Variants in P3H2 observed in about 807,000 individuals in gnomAD.
The protein encoded by P3H2 is prolyl 3-hydroxylase 2.
P3H2 carries 80 observed loss-of-function variants against 87.0 expected under a neutral mutation model. The ratio of observed to expected loss-of-function variants is 0.92; its 90% CI spans 0.77 to 1.11. The LOEUF is 1.11. Ranked by LOEUF, P3H2 falls within the 50% of genes least tolerant of loss-of-function variation. The pLI is 0.00. For missense variants in P3H2, 1,001 were observed against 923.9 expected, an observed-to-expected ratio of 1.08 and a Z score of -1.08; for synonymous variants, 367 against 359.3, an observed-to-expected ratio of 1.02 and a Z score of -0.24.
intron 1 of P3H2, among the ~76,000 whole-genome samples, chr3:190,024,697 CTG>C (rs1397162203): frequency 6.6e-6 from 1 of 152,046 alleles, no homozygotes; most frequent in African/African-American, 2.4e-5. Flanking sequence ...GTTGTTATAT[CTG>C]CAATGATGTG....
intron 1 of P3H2, among the ~76,000 whole-genome samples, chr3:190,004,575 G>T (rs1210025445): frequency 1.3e-5 from 2 of 151,872 alleles, no homozygotes; most frequent in East Asian, 3.9e-4. Context: ...GTAGAGACGG[G>T]GTTTCACCGT....
At chr3:190,067,754 A>G (rs1050195801) in intron 1 of P3H2, among the ~76,000 whole-genome samples, 1 of 152,132 alleles carries the variant, frequency 6.6e-6, no homozygotes, top group Non-Finnish European at 1.5e-5. Flanking sequence ...CTGGGGGGGA[A>G]TATTTTCTTT....
rs1427871621 is a variant in P3H2, at chr3:190,120,278, T to TGTAG, written c.450_453dup (p.Asn152LeufsTer12). 2 of 1,611,252 alleles carry TGTAG rather than the reference T, an allele frequency of 1.2e-6. No homozygotes were observed. The highest frequency in any genetic ancestry group is 3.3e-5 in the Admixed American group (2 of 59,810). On this transcript the variant is annotated frameshift_variant, in exon 1 of 15. Coordinates refer to ENST00000319332, the MANE Select transcript of P3H2 (RefSeq NM_018192.4). LOFTEE classifies it high-confidence loss of function. Reference sequence around the variant, plus strand: ...TTGATGTAGGCCCGCTGCAGGTAGTTGTAGGGCACTCTGCGCTGGAAGTCG... The same window carrying TGTAG: ...TTGATGTAGGCCCGCTGCAGGTAGTTGTAGGTAGGGCACTCTGCGCTGGAAGTCG...
intron 1 of P3H2, among the ~76,000 whole-genome samples, chr3:190,009,564 T>A (rs1226187398): frequency 2.0e-5 from 3 of 152,198 alleles, no homozygotes; most frequent in African/African-American, 4.8e-5. Flanking sequence ...ACTTCCACAT[T>A]TCACATTTCT....
chr3:190,010,237 A>T (rs989578332), intron 1 of P3H2, among the ~76,000 whole-genome samples: 1 of 152,220 alleles, frequency 6.6e-6, no homozygotes, highest in African/African-American at 2.4e-5. Context: ...GCAAATAAGA[A>T]GAATGAAGTT....
At chr3:190,009,606 T>C (rs2108933541) in intron 1 of P3H2, among the ~76,000 whole-genome samples, 1 of 152,294 alleles carries the variant, frequency 6.6e-6, no homozygotes, top group Non-Finnish European at 1.5e-5. Context: ...TTTAAAACGT[T>C]TCATATTTTG....
At chr3:189,996,957 A>G (rs1724069211) in intron 1 of P3H2, among the ~76,000 whole-genome samples, 1 of 152,220 alleles carries the variant, frequency 6.6e-6, no homozygotes, top group South Asian at 2.1e-4. Context: ...ACTTAATACA[A>G]TGATCTCCAT....
At chr3:190,036,079 T>C (rs1316336605) in intron 1 of P3H2, among the ~76,000 whole-genome samples, 1 of 152,210 alleles carries the variant, frequency 6.6e-6, no homozygotes, top group Non-Finnish European at 1.5e-5. Context: ...TTTTGCCATA[T>C]TCAGAATGAA....
intron 1 of P3H2, among the ~76,000 whole-genome samples, chr3:190,107,102 G>A (rs966590195): frequency 1.3e-5 from 2 of 152,112 alleles, no homozygotes; most frequent in African/African-American, 2.4e-5. Context: ...AAAACAAAAT[G>A]TATCAAGAAG....
At position 189,995,365 on chromosome 3, in the gene P3H2, C is replaced by T. The variant is rs1262305402; in HGVS notation, c.558G>A (p.Gln186=). ...CTGTCGCCCTGTAATTCTCAATGTT[C>T]TGCTGCATTTCCATGTGCTCAGGGT... ...VANPEHMEMQ[Q]NIENYRATAG... is the part of the protein sequence containing the mutation. Residue 186 remains glutamine (Q), a synonymous_variant, in exon 2 of 15, where the codon CAG becomes CAA. Coordinates refer to ENST00000319332, the MANE Select transcript of P3H2 (RefSeq NM_018192.4). 1.2e-6 allele frequency: 2 copies of T among 1,613,956 alleles called. No individual in the cohort carries two copies. The highest frequency in any genetic ancestry group is 2.7e-5 in the African/African-American group (2 of 74,878).
intron 1 of P3H2, among the ~76,000 whole-genome samples, chr3:190,077,889 G>A (rs1484896428): frequency 6.7e-6 from 1 of 149,068 alleles, no homozygotes; most frequent in Non-Finnish European, 1.5e-5. Context: ...TTGTACCAGA[G>A]CCTTCCTGGG....
chr3:190,118,331 C>T lies in P3H2; in HGVS notation c.480+1921G>A, dbSNP rs113833060. ...TGTGACAGAATTAACAGCAGGACTG[C>T]TAACCTTACATCCGAGACTCCTGGG... is the stretch of plus-strand genomic sequence containing the variant. On this transcript the variant is annotated intron_variant, in intron 1 of 14. Coordinates refer to ENST00000319332, the MANE Select transcript of P3H2 (RefSeq NM_018192.4). Among the ~76,000 whole-genome samples, 124 of 152,058 alleles carry T rather than the reference C, an allele frequency of 8.2e-4. 3 individuals carry two copies. The highest frequency in any genetic ancestry group is 2.9e-3 in the African/African-American group (120 of 41,476).
intron 1 of P3H2, among the ~76,000 whole-genome samples, chr3:190,012,209 T>G (rs1488875867): frequency 7.9e-5 from 1 of 12,698 alleles, no homozygotes; most frequent in African/African-American, 2.0e-4. Context: ...TAGGTAAAGG[T>G]GTGTGTGTGT....
rs1251972315 is a variant in P3H2, at chr3:190,059,618, C to T, written c.480+60634G>A. ...TTCCTCCAACGCCAGCATCACTCAC[C>T]TTCACTGCCTCTGCCACCCACCCCT... is the stretch of plus-strand genomic sequence containing the variant. On this transcript the variant is annotated intron_variant, in intron 1 of 14. Coordinates refer to ENST00000319332, the MANE Select transcript of P3H2 (RefSeq NM_018192.4). Among the ~76,000 whole-genome samples the T allele has an allele frequency of 2.6e-5, 4 of 152,146 alleles. No individual in the cohort carries two copies. In the East Asian group the frequency reaches 7.7e-4, roughly 29 times the overall value.
chr3:190,021,391 T>G (rs1489256512), intron 1 of P3H2, among the ~76,000 whole-genome samples: 1 of 135,154 alleles, frequency 7.4e-6, no homozygotes, highest in African/African-American at 2.6e-5. Flanking sequence ...TATTAAACTA[T>G]TTCAGTTTGT....
intron 14 of P3H2, among the ~76,000 whole-genome samples, chr3:189,962,341 AT>A (rs1722845057): frequency 6.6e-6 from 1 of 151,368 alleles, no homozygotes; most frequent in South Asian, 2.1e-4. Context: ...CGCCAGGCTA[AT>A]TTTTGTATTT....
chr3:189,990,910 C>G (rs1168559518), intron 3 of P3H2, among the ~76,000 whole-genome samples: 1 of 152,150 alleles, frequency 6.6e-6, no homozygotes, highest in African/African-American at 2.4e-5. Flanking sequence ...TGACCTTGAG[C>G]AAATCACTAA....
chr3:189,986,376 G>A (rs1268565721), intron 6 of P3H2, among the ~76,000 whole-genome samples: 1 of 152,172 alleles, frequency 6.6e-6, no homozygotes, highest in Non-Finnish European at 1.5e-5. Context: ...CCTGAGGTCA[G>A]GAGTCCGAGA....
At chr3:189,996,077 C>A (rs1724044077) in intron 1 of P3H2, among the ~76,000 whole-genome samples, 1 of 152,134 alleles carries the variant, frequency 6.6e-6, no homozygotes, top group Non-Finnish European at 1.5e-5. Context: ...AAAAGTAGAA[C>A]TACCATAAGA....
Sources: gnomAD v4.1 joint callset for allele counts (sites outside exome capture counted in the v4.1 genomes callset) on GRCh38, gnomAD v4.1.1 for gene constraint, MANE v1.5 for transcripts, NCBI Gene and HGNC (gene_info 2026-07-23, HGNC 2026-07-21) for gene names.